Variants in HIF1AN observed in about 807,000 individuals in gnomAD.
The protein encoded by HIF1AN is hypoxia inducible factor 1 subunit alpha inhibitor, also known as hypoxia-inducible factor 1-alpha inhibitor.
HIF1AN carries 21 observed loss-of-function variants against 47.7 expected under a neutral mutation model. That is an observed-to-expected ratio of 0.44 (90% CI 0.31 to 0.63). The LOEUF (loss-of-function observed/expected upper bound fraction) is 0.63, where lower values mean the gene tolerates loss of function less well. Among genes scored for constraint, HIF1AN ranks in the 30% least tolerant of loss-of-function variants. HIF1AN has a pLI of 0.07. For missense variants in HIF1AN, 320 were observed against 432.7 expected (o/e 0.74, Z 2.31); for synonymous variants, 152 against 155.9 (o/e 0.98, Z 0.18).
rs1843019005 is a variant in HIF1AN, at chr10:100,540,769, C to T, written c.564C>T (p.Leu188=). ...GGCAGCTTACCTCTAACCTGCTGCT[C>T]ATTGGCATGGAAGGTAAGAAATCTT... The part of the protein sequence containing the change: ...GWGQLTSNLL[L]IGMEGNVTPA... The change falls in exon 3 of 8, where the codon CTC becomes CTT. Residue 188 remains leucine (L), a synonymous_variant. Transcript: ENST00000299163. 6.2e-7 allele frequency: 1 copy of T among 1,607,428 alleles called. No individual in the cohort carries two copies. The highest frequency in any genetic ancestry group is 1.1e-5 in the South Asian group (1 of 90,014).
In HIF1AN at chr10:100,552,554, CTG is replaced by C. The variant is rs1366820460; in HGVS notation, c.*4419_*4420del. ...CATACTTCTCTGATGTCTTCTCAAA[CTG>C]TTGGCTCTAAAGGGATGTTCCAGCC... On this transcript the variant is annotated 3_prime_UTR_variant, in exon 8 of 8. Coordinates refer to ENST00000299163, the MANE Select transcript of HIF1AN (RefSeq NM_017902.3). The C allele has an allele frequency of 5.9e-5, 9 of 152,504 alleles. 1 individual carries two copies. The highest frequency in any genetic ancestry group is 2.2e-4 in the African/African-American group (9 of 41,580). 9.4% of individuals were successfully genotyped at this position (152,504 alleles called of 1,614,324 possible).
At chr10:100,539,873 C>T (rs562030197) in intron 2 of HIF1AN, among the ~76,000 whole-genome samples, 4 of 152,258 alleles carry the variant, frequency 2.6e-5, no homozygotes, top group Non-Finnish European at 4.4e-5. Flanking sequence ...TCAGGCTCTG[C>T]GAGTCTCTGG....
In HIF1AN at chr10:100,558,656, G is replaced by C. The variant is rs1215913776; in HGVS notation, c.*10519G>C. ...GTGAGCTGACTGACTGCCTTTTTAT[G>C]TAATGGAGGCCATGTGATAGGGCTT... is the stretch of plus-strand genomic sequence containing the variant. On this transcript the variant is annotated 3_prime_UTR_variant, in exon 8 of 8. Transcript: ENST00000299163. 4 of 152,174 alleles carry C rather than the reference G, an allele frequency of 2.6e-5. No individual in the cohort carries two copies. The East Asian group carries it at 5.8e-4, about 22-fold the overall frequency. The allele number at this position is 152,174 out of a possible 1,614,324, so 9.4% of individuals were successfully genotyped here. A position where few individuals can be genotyped will look rare whatever the true frequency, so the allele number is the denominator to read the frequency against.
In HIF1AN at chr10:100,545,997, G is replaced by T. The variant is rs1843090134; in HGVS notation, c.778G>T (p.Gly260Cys). 1 of 1,613,998 alleles carries T rather than the reference G, an allele frequency of 6.2e-7. No individual in the cohort carries two copies. Residue 260 changes from glycine (G) to cysteine (C), a missense_variant, in exon 5 of 8, where the codon GGT becomes TGT. This residue lies in a region of HIF1AN where 161 missense variants were observed against 272.8 expected (regional missense o/e 0.59). Transcript: ENST00000299163. ...ERFPNFQNVV[G>C]YETVVGPGDV... Reference sequence around the variant, plus strand: ...GTTCCCTAATTTCCAAAATGTGGTTGGTTACGAAACAGTGGTTGGCCCTGG... The same window carrying T: ...GTTCCCTAATTTCCAAAATGTGGTTTGTTACGAAACAGTGGTTGGCCCTGG...
rs1229366453 is a variant in HIF1AN, at chr10:100,543,195, T to TCTG, written c.578-1756_578-1755insCTG. ...ACCTGCCTCTTTTTTTGTTTTTGTT[T>TCTG]TTGTTTTTTATTGAGACAGTGTCTC... On this transcript the variant is annotated intron_variant, in intron 3 of 7. Transcript: ENST00000299163. Among the ~76,000 whole-genome samples the TCTG allele has an allele frequency of 3.7e-3, 565 of 152,062 alleles. 4 individuals carry two copies. The highest frequency in any genetic ancestry group is 0.013 in the African/African-American group (539 of 41,484).
At position 100,553,045 on chromosome 10, in the gene HIF1AN, G is replaced by GT. The variant is rs1358729665; in HGVS notation, c.*4909dup. On this transcript the variant is annotated 3_prime_UTR_variant, in exon 8 of 8. Transcript: ENST00000299163. ...CTTGAGGCCTGGGGGCGTGTGGTCA[G>GT]TGAGGCCTCCAGAGGTGGGTTAGGG... The GT allele has an allele frequency of 6.6e-6, 1 of 152,166 alleles. No individual in the cohort carries two copies. Among genetic ancestry groups the GT allele is most frequent in the African/African-American group, 2.4e-5 (1 of 41,406 alleles). 9.4% of individuals were successfully genotyped at this position (152,166 alleles called of 1,614,324 possible). A position where few individuals can be genotyped will look rare whatever the true frequency, so the allele number is the denominator to read the frequency against.
rs571594285 is a variant in HIF1AN at position 100,544,867 on chromosome 10, G to T, written c.578-84G>T. On this transcript the variant is annotated intron_variant, in intron 3 of 7. Coordinates refer to ENST00000299163, the MANE Select transcript of HIF1AN (RefSeq NM_017902.3). ...ACTTTTAGCTGGGAGGGCAGGCTGG[G>T]TTTCTCTTTAGCACTGGGTCCTGTA... 40 of 1,334,980 alleles carry T rather than the reference G, an allele frequency of 3.0e-5. No homozygotes were observed. In the South Asian group the frequency reaches 4.7e-4, roughly 16 times the overall value. 82.7% of individuals were successfully genotyped at this position (1,334,980 alleles called of 1,614,324 possible). A position where few individuals can be genotyped will look rare whatever the true frequency, so the allele number is the denominator to read the frequency against.
In HIF1AN at chr10:100,556,959, C is replaced by G. The variant is rs970752709; in HGVS notation, c.*8822C>G. The stretch of plus-strand genomic sequence containing the variant: ...CAGCAGCAAGGCTTTTCTGATCCTA[C>G]TCTGACTCTCAAGATAATGGTGCTT... On this transcript the variant is annotated 3_prime_UTR_variant, in exon 8 of 8. Coordinates refer to ENST00000299163, the MANE Select transcript of HIF1AN (RefSeq NM_017902.3). 6.6e-6 allele frequency: 1 copy of G among 152,214 alleles called. No individual in the cohort carries two copies. Among genetic ancestry groups the G allele is most frequent in the African/African-American group, 2.4e-5 (1 of 41,444 alleles). The allele number at this position is 152,214 out of a possible 1,614,324, so 9.4% of individuals were successfully genotyped here. A position where few individuals can be genotyped will look rare whatever the true frequency, so the allele number is the denominator to read the frequency against.
chr10:100,558,690 C>T lies in HIF1AN; in HGVS notation c.*10553C>T, dbSNP rs1054422574. 4 of 152,174 alleles carry T rather than the reference C, an allele frequency of 2.6e-5. No individual in the cohort carries two copies. 9.4% of individuals were successfully genotyped at this position (152,174 alleles called of 1,614,324 possible). A position where few individuals can be genotyped will look rare whatever the true frequency, so the allele number is the denominator to read the frequency against. ...GCCATGTGATAGGGCTTTATGAGGC[C>T]ACAAATAGCACTTTCTGGGTCCTTT... On this transcript the variant is annotated 3_prime_UTR_variant, in exon 8 of 8. Transcript: ENST00000299163.
Position 100,545,933 on chromosome 10 carries a change from A to G in HIF1AN, c.724-10A>G. On this transcript the variant is annotated splice_polypyrimidine_tract_variant and intron_variant, in intron 4 of 7. Coordinates refer to ENST00000299163, the MANE Select transcript of HIF1AN (RefSeq NM_017902.3). ...ATTGATATTTTTTTTCTTTCTCTTG[A>G]ACCTCTTAGGTGGACTTTGACAATC... 1 of 1,592,206 alleles carries G rather than the reference A, an allele frequency of 6.3e-7. No homozygotes were observed.
intron 1 of HIF1AN, 106 bp downstream of exon 1, chr10:100,536,241 G>T (rs777789168): frequency 2.4e-5 from 31 of 1,318,908 alleles, no homozygotes; most frequent in Non-Finnish European, 3.1e-5. Context: ...CTAGACTAGG[G>T]CCTATGGGAA....
rs775945934 is a variant in HIF1AN, at chr10:100,536,676, C to T, written c.428+15C>T. ...GGGGAAGAGAGGTAAATTCCGAAAGCTTAATTTTCTGTTGGATTTAGGACA... is the reference window on the plus strand; with the variant it reads ...GGGGAAGAGAGGTAAATTCCGAAAGTTTAATTTTCTGTTGGATTTAGGACA... On this transcript the variant is annotated intron_variant, in intron 2 of 7. Coordinates refer to ENST00000299163, the MANE Select transcript of HIF1AN (RefSeq NM_017902.3). 5.0e-6 allele frequency: 8 copies of T among 1,613,042 alleles called. No homozygotes were observed. In the East Asian group the frequency reaches 1.6e-4, roughly 31 times the overall value.
chr10:100,544,269 A>G (rs1454825670), intron 3 of HIF1AN, among the ~76,000 whole-genome samples: 1 of 152,210 alleles, frequency 6.6e-6, no homozygotes. Flanking sequence ...AGTGAGCCCC[A>G]ATGTTGCTTT....
chr10:100,545,114 G>A lies in HIF1AN; in HGVS notation c.723+18G>A, dbSNP rs200082894. 4.2e-5 allele frequency: 67 copies of A among 1,613,362 alleles called. No individual in the cohort carries two copies. Among genetic ancestry groups the A allele is most frequent in the Non-Finnish European group, 5.5e-5 (65 of 1,179,538 alleles). ...AGAGCCAGGTGAGCTTGTGTGGTCT[G>A]AGAAGGGTATAGAACTCTAGATTCT... On this transcript the variant is annotated intron_variant, in intron 4 of 7. Coordinates refer to ENST00000299163, the MANE Select transcript of HIF1AN (RefSeq NM_017902.3).
chr10:100,536,239 G>A (rs1852219093), intron 1 of HIF1AN, 104 bp downstream of exon 1: 2 of 1,318,852 alleles, frequency 1.5e-6, no homozygotes, highest in Non-Finnish European at 2.1e-6. Context: ...CTCTAGACTA[G>A]GGCCTATGGG....
chr10:100,537,836 T>C (rs1043683598), intron 2 of HIF1AN, among the ~76,000 whole-genome samples: 2 of 152,274 alleles, frequency 1.3e-5, no homozygotes, highest in Non-Finnish European at 2.9e-5. Flanking sequence ...TTTCTTCTTC[T>C]TAACACTTAG....
rs1406462059 is a variant in HIF1AN, at chr10:100,557,012, G to C, written c.*8875G>C. Reference sequence around the variant, plus strand: ...AGTGAAATCACAGAAGAGATGACTGGGGCAGGAAAAGCAAGATGGAAAAGA... The same window carrying C: ...AGTGAAATCACAGAAGAGATGACTGCGGCAGGAAAAGCAAGATGGAAAAGA... On this transcript the variant is annotated 3_prime_UTR_variant, in exon 8 of 8. Transcript: ENST00000299163. 1.3e-5 allele frequency: 2 copies of C among 152,360 alleles called. No homozygotes were observed. Among genetic ancestry groups the C allele is most frequent in the East Asian group, 3.9e-4 (2 of 5,188 alleles). 9.4% of individuals were successfully genotyped at this position (152,360 alleles called of 1,614,324 possible). A position where few individuals can be genotyped will look rare whatever the true frequency, so the allele number is the denominator to read the frequency against.
rs115977073 is a variant in HIF1AN, at chr10:100,548,101, C to T, written c.1014C>T (p.Pro338=). Residue 338 remains proline, a synonymous_variant, in exon 8 of 8, where the codon CCC becomes CCT. Coordinates refer to ENST00000299163, the MANE Select transcript of HIF1AN (RefSeq NM_017902.3). ...EALGNPQEVG[P]LLNTMIKGRY... ...CTCATGTTTCTTTACAGGTGGGGCCCTTGTTGAACACAATGATCAAGGGCC... is the reference window on the plus strand; with the variant it reads ...CTCATGTTTCTTTACAGGTGGGGCCTTTGTTGAACACAATGATCAAGGGCC... The T allele has an allele frequency of 5.7e-4, 914 of 1,613,502 alleles. 9 individuals are homozygous for T. The African/African-American group carries it at 0.011, about 19-fold the overall frequency.
At chr10:100,536,329 A>G (rs1852220756) in intron 1 of HIF1AN, 82 bp from the exon 2 acceptor site, 8 of 1,501,630 alleles carry the variant, frequency 5.3e-6, no homozygotes, top group Non-Finnish European at 6.4e-6. Flanking sequence ...GAAGTTGAGA[A>G]GTAGTTGGGA....
Sources: gnomAD v4.1 joint callset for allele counts (sites outside exome capture counted in the v4.1 genomes callset) on GRCh38, gnomAD v4.1.1 for gene constraint, gnomAD v4.1.1 regional missense constraint, MANE v1.5 for transcripts, NCBI Gene and HGNC (gene_info 2026-07-23, HGNC 2026-07-21) for gene names.